Variants in SSH2 observed in about 807,000 individuals in gnomAD.
SSH2 encodes the protein protein phosphatase Slingshot homolog 2.
In SSH2, 37 loss-of-function variants were observed where a neutral mutation model predicts 135.2. The observed-to-expected ratio is 0.27, with a 90% CI of 0.21 to 0.36. The LOEUF is 0.36. Among genes scored for constraint, SSH2 ranks in the 10% least tolerant of loss-of-function variants. The pLI, the probability that SSH2 is intolerant of heterozygous loss-of-function variation, is 1.00. For missense variants in SSH2, 1,408 were observed against 1,765.3 expected, an observed-to-expected ratio of 0.80 and a Z score of 3.63; for synonymous variants, 628 against 646.2, an observed-to-expected ratio of 0.97 and a Z score of 0.43.
chr17:29,774,940 G>T (rs903233556), intron 3 of SSH2, among the ~76,000 whole-genome samples: 20 of 152,080 alleles, frequency 1.3e-4, no homozygotes, highest in African/African-American at 4.8e-4. Context: ...CACCCCATTT[G>T]CTCGCAGTAT....
chr17:29,683,102 C>T (rs1002173134), intron 6 of SSH2, among the ~76,000 whole-genome samples: 1 of 152,156 alleles, frequency 6.6e-6, no homozygotes, highest in Non-Finnish European at 1.5e-5. Flanking sequence ...CAGGCTCCTC[C>T]TCTCTTTGTG....
chr17:29,832,120 G>T (rs2042856491), intron 2 of SSH2, among the ~76,000 whole-genome samples: 1 of 151,968 alleles, frequency 6.6e-6, no homozygotes, highest in East Asian at 1.9e-4. Flanking sequence ...GTCTTTCTAG[G>T]CTTTGAGCAT....
chr17:29,640,686 C>G (rs967370297), intron 14 of SSH2: 2 of 152,188 alleles, frequency 1.3e-5, no homozygotes, highest in Non-Finnish European at 2.9e-5. Flanking sequence ...TGGCAAGCAG[C>G]TGATTCATCT....
chr17:29,858,531 AGGCCCTAATCCAATATAGGTG>A (rs2065705609), intron 1 of SSH2, among the ~76,000 whole-genome samples: 7 of 152,186 alleles, frequency 4.6e-5, no homozygotes. Flanking sequence ...CAATATGGGT[AGGCCCTAATCCAATATAGGTG>A]GGCCCTAATC....
chr17:29,746,366 C>T (rs71371132), intron 3 of SSH2, among the ~76,000 whole-genome samples: 5 of 151,184 alleles, frequency 3.3e-5, no homozygotes, highest in African/African-American at 7.3e-5. Flanking sequence ...GCCAACATAG[C>T]GAAACTCCGC....
At chr17:29,823,305 C>T (rs552805496) in intron 2 of SSH2, among the ~76,000 whole-genome samples, 1 of 152,174 alleles carries the variant, frequency 6.6e-6, no homozygotes, top group Non-Finnish European at 1.5e-5. Context: ...AATACAGGTA[C>T]ATTTTGGGTA....
Position 29,631,421 on chromosome 17 carries a change from A to G in SSH2, c.3773T>C (p.Val1258Ala), listed in dbSNP as rs1227464496. The G allele has an allele frequency of 6.2e-7, 1 of 1,614,014 alleles. No homozygotes were observed. The highest frequency in any genetic ancestry group is 1.7e-5 in the Admixed American group (1 of 60,006). The change falls in exon 16 of 16, where the codon GTG (valine) becomes GCG (alanine). Residue 1258 changes from valine to alanine, a missense_variant. Val to Ala is a moderately conservative substitution (Grantham distance 64). Transcript: ENST00000540801. ...IKSLSHSPGV[V>A]KERAKEIESR... Reference sequence around the variant, plus strand: ...CTCGATTTCTTTAGCACGCTCCTTCACCACACCGGGGCTGTGGCTGAGACT... The same window carrying G: ...CTCGATTTCTTTAGCACGCTCCTTCGCCACACCGGGGCTGTGGCTGAGACT...
intron 3 of SSH2, chr17:29,776,438 A>T (rs902245460): frequency 7.9e-5 from 12 of 152,228 alleles, no homozygotes; most frequent in Non-Finnish European, 1.8e-4. Context: ...AAGTAAAGCC[A>T]CCACTGTGAT....
At chr17:29,687,399 T>C (rs2038269846) in intron 5 of SSH2, among the ~76,000 whole-genome samples, 1 of 152,216 alleles carries the variant, frequency 6.6e-6, no homozygotes, top group African/African-American at 2.4e-5. Flanking sequence ...ATGCATAAGA[T>C]AGAGAGCTGT....
chr17:29,627,133 C>T lies in SSH2; in HGVS notation c.*3708G>A, dbSNP rs2035524329. The T allele has an allele frequency of 6.6e-6, 1 of 152,608 alleles. No homozygotes were observed. Among genetic ancestry groups the T allele is most frequent in the South Asian group, 2.1e-4 (1 of 4,824 alleles). 9.5% of individuals were successfully genotyped at this position (152,608 alleles called of 1,614,324 possible). On this transcript the variant is annotated 3_prime_UTR_variant, in exon 16 of 16. Coordinates refer to ENST00000540801, the MANE Select transcript of SSH2 (RefSeq NM_001282129.2). The stretch of plus-strand genomic sequence containing the variant: ...CACAGGACAGCCAGGGCACTGATGC[C>T]TGCAGGACTGCATGGCCGACAAGAT...
chr17:29,818,540 G>A (rs767059744), intron 2 of SSH2, among the ~76,000 whole-genome samples: 1 of 151,964 alleles, frequency 6.6e-6, no homozygotes, highest in Non-Finnish European at 1.5e-5. Flanking sequence ...AAGCCACTGC[G>A]CCCAGCCCGC....
Position 29,631,177 on chromosome 17 carries a change from A to G in SSH2, c.4017T>C (p.Gly1339=). Residue 1339 remains glycine (G), a synonymous_variant, in exon 16 of 16, where the codon GGT becomes GGC. Coordinates refer to ENST00000540801, the MANE Select transcript of SSH2 (RefSeq NM_001282129.2). ...MEDQESLENP[G]APHNPEPTKS... Reference sequence around the variant, plus strand: ...TGGTGGGCTCTGGGTTGTGGGGGGCACCTGGGTTTTCTAGGGACTCTTGGT... The same window carrying G: ...TGGTGGGCTCTGGGTTGTGGGGGGCGCCTGGGTTTTCTAGGGACTCTTGGT... 6.2e-7 allele frequency: 1 copy of G among 1,614,144 alleles called. No homozygotes were observed. The highest frequency in any genetic ancestry group is 8.5e-7 in the Non-Finnish European group (1 of 1,180,020).
At chr17:29,739,696 G>C (rs745422422) in intron 3 of SSH2, among the ~76,000 whole-genome samples, 5 of 152,062 alleles carry the variant, frequency 3.3e-5, no homozygotes, top group Non-Finnish European at 5.9e-5. Flanking sequence ...TAGGGCAAAA[G>C]GTGATGTTAG....
rs766741734 is a variant in SSH2, at chr17:29,684,576, A to G, written c.466T>C (p.Ser156Pro). ...EESIVLGMDFSSNDSSTCTMG... is the reference protein window; with the variant it reads ...EESIVLGMDFPSNDSSTCTMG... ...GTACCACCATACCTGTCATTAGAGG[A>G]GAAATCCATTCCTAGGACGATGCTT... Residue 156 changes from serine (S) to proline (P), a missense_variant, in exon 6 of 16, where the codon TCC becomes CCC. By Grantham distance (74) the Ser-to-Pro change is moderately conservative. This residue lies in a region of SSH2 where 222 missense variants were observed against 355.6 expected (regional missense o/e 0.62). Coordinates refer to ENST00000540801, the MANE Select transcript of SSH2 (RefSeq NM_001282129.2). 6.2e-7 allele frequency: 1 copy of G among 1,612,450 alleles called. No homozygotes were observed. The highest frequency in any genetic ancestry group is 1.7e-5 in the Admixed American group (1 of 59,928).
At chr17:29,867,367 T>C (rs1226357245) in intron 1 of SSH2, among the ~76,000 whole-genome samples, 1 of 152,188 alleles carries the variant, frequency 6.6e-6, no homozygotes, top group Middle Eastern at 3.2e-3. Context: ...CTATCTGTGG[T>C]TTAAATACAA....
intron 2 of SSH2, among the ~76,000 whole-genome samples, chr17:29,823,802 C>G (rs1464423240): frequency 1.3e-5 from 2 of 150,464 alleles, no homozygotes; most frequent in Non-Finnish European, 2.9e-5. Context: ...TTGCTTGAAC[C>G]CAGGAGCCAG....
intron 1 of SSH2, among the ~76,000 whole-genome samples, chr17:29,878,367 C>T (rs1040482772): frequency 6.6e-6 from 1 of 152,128 alleles, no homozygotes; most frequent in African/African-American, 2.4e-5. Context: ...GCAGAAGTTG[C>T]AGTAAGCCGA....
chr17:29,748,035 G>A (rs2040818093), intron 3 of SSH2, among the ~76,000 whole-genome samples: 1 of 152,080 alleles, frequency 6.6e-6, no homozygotes, highest in African/African-American at 2.4e-5. Flanking sequence ...GAAAAAAAAA[G>A]AAATCCATTC....
chr17:29,923,619 CAAA>C (rs1006774135), intron 1 of SSH2, among the ~76,000 whole-genome samples: 1 of 121,832 alleles, frequency 8.2e-6, no homozygotes. Context: ...GATCCTGCCT[CAAA>C]AAAAAAAAAA....
Sources: gnomAD v4.1 joint callset for allele counts (sites outside exome capture counted in the v4.1 genomes callset) on GRCh38, gnomAD v4.1.1 for gene constraint, gnomAD v4.1.1 regional missense constraint, MANE v1.5 for transcripts, NCBI Gene and HGNC (gene_info 2026-07-23, HGNC 2026-07-21) for gene names.